The following CDK17 variants were observed in gnomAD, a reference collection of about 807,000 sequenced individuals.
CDK17 encodes cyclin-dependent kinase 17.
In CDK17, 24 loss-of-function variants were observed where a neutral mutation model predicts 77.6. That is an observed-to-expected ratio of 0.31 (90% CI 0.22 to 0.44). The LOEUF (loss-of-function observed/expected upper bound fraction) is 0.44, where lower values mean the gene tolerates loss of function less well. CDK17 is among the 20% of genes least tolerant of loss of function. The pLI is 1.00. For missense variants in CDK17, 429 were observed against 622.5 expected, an observed-to-expected ratio of 0.69 and a Z score of 3.31; for synonymous variants, 203 against 210.4, an observed-to-expected ratio of 0.96 and a Z score of 0.30.
At chr12:96,384,937 A>C (rs1044898525) in intron 1 of CDK17, among the ~76,000 whole-genome samples, 4 of 151,010 alleles carry the variant, frequency 2.6e-5, no homozygotes, top group East Asian at 2.0e-4. Flanking sequence ...TTGAGCCCAG[A>C]AGGTCAAGGC....
intron 5 of CDK17, among the ~76,000 whole-genome samples, chr12:96,308,731 A>AAATAATAATAATAATAATAATAATAAT (rs34304107): frequency 1.5e-4 from 20 of 132,570 alleles, no homozygotes; most frequent in East Asian, 4.4e-4. Context: ...CCGTCTCCAA[A>AAATAATAATAATAATAATAATAATAAT]AATAATAATA....
Position 96,300,452 on chromosome 12 carries a change from A to G in CDK17, c.544-92T>C. The G allele has an allele frequency of 6.8e-6, 5 of 734,852 alleles. No individual in the cohort carries two copies. In the South Asian group the frequency reaches 8.3e-5, roughly 12 times the overall value. 45.5% of individuals were successfully genotyped at this position (734,852 alleles called of 1,614,324 possible). On this transcript the variant is annotated intron_variant, in intron 5 of 16. Transcript: ENST00000261211. ...CACTCTGTTGCCCAGGCTGGAGTGC[A>G]GCGGCACAATCTTGGCTTACTGCAA...
intron 1 of CDK17, among the ~76,000 whole-genome samples, chr12:96,373,756 C>T (rs529249545): frequency 4.7e-4 from 71 of 152,050 alleles, no homozygotes; most frequent in Admixed American, 2.2e-3. Context: ...CCTGTCTCTA[C>T]TAAAAATACA....
At chr12:96,321,812 G>A (rs1251033722) in intron 3 of CDK17, among the ~76,000 whole-genome samples, 1 of 113,806 alleles carries the variant, frequency 8.8e-6, no homozygotes, top group African/African-American at 3.4e-5. Flanking sequence ...ACTGTGGTGG[G>A]GTGGGGGGAG....
intron 1 of CDK17, among the ~76,000 whole-genome samples, chr12:96,365,049 TATTA>T (rs1173528734): frequency 1.3e-5 from 2 of 152,232 alleles, no homozygotes; most frequent in Admixed American, 1.3e-4. Context: ...CTATACATTA[TATTA>T]ATATTTTCTG....
At chr12:96,345,167 T>G (rs140550148) in intron 1 of CDK17, among the ~76,000 whole-genome samples, 1 of 152,348 alleles carries the variant, frequency 6.6e-6, no homozygotes, top group Non-Finnish European at 1.5e-5. Flanking sequence ...CTCATTCCTT[T>G]TTGTGGCTGA....
At chr12:96,342,154 GATTT>G (rs1370166761) in intron 1 of CDK17, among the ~76,000 whole-genome samples, 2 of 152,210 alleles carry the variant, frequency 1.3e-5, no homozygotes, top group East Asian at 3.9e-4. Context: ...GATAAAGACA[GATTT>G]ATTTCTTCAT....
intron 10 of CDK17, among the ~76,000 whole-genome samples, chr12:96,291,171 T>A (rs955984201): frequency 6.6e-6 from 1 of 151,464 alleles, no homozygotes; most frequent in Non-Finnish European, 1.5e-5. Flanking sequence ...GAATATACTA[T>A]CTCATGGAAT....
intron 1 of CDK17, among the ~76,000 whole-genome samples, chr12:96,363,118 C>T (rs190995475): frequency 6.6e-5 from 10 of 152,192 alleles, no homozygotes; most frequent in South Asian, 2.1e-4. Flanking sequence ...CTTCCAGTTA[C>T]GAAAGTAAGA....
intron 1 of CDK17, among the ~76,000 whole-genome samples, chr12:96,378,071 C>T (rs1370162151): frequency 6.6e-6 from 1 of 152,162 alleles, no homozygotes. Context: ...CCTTAAACCA[C>T]ACACTCAGTT....
At position 96,310,990 on chromosome 12, in the gene CDK17, C is replaced by T. The variant is rs897535651; in HGVS notation, c.543+62G>A. The stretch of plus-strand genomic sequence containing the variant: ...TAAAAATTAATTTAAAATGTTTACA[C>T]CCAGAAGCAGCAAACAAGCAGATCT... On this transcript the variant is annotated intron_variant, in intron 5 of 16. Transcript: ENST00000261211. 4 of 1,508,034 alleles carry T rather than the reference C, an allele frequency of 2.7e-6. No individual in the cohort carries two copies. In the African/African-American group the frequency reaches 4.4e-5, roughly 17 times the overall value. The allele number at this position is 1,508,034 out of a possible 1,614,324, so 93.4% of individuals were successfully genotyped here.
rs61939060 is a variant in CDK17, at chr12:96,334,929, G to A, written c.-29-64C>T. 2,959 of 726,304 alleles carry A rather than the reference G, an allele frequency of 4.1e-3. 9 individuals are homozygous for A. Among genetic ancestry groups the A allele is most frequent in the Non-Finnish European group, 6.0e-3 (2,451 of 408,328 alleles). The allele number at this position is 726,304 out of a possible 1,614,324, so 45.0% of individuals were successfully genotyped here. A position where few individuals can be genotyped will look rare whatever the true frequency, so the allele number is the denominator to read the frequency against. ...TATTTTACCACTGAAGAAAAATACC[G>A]CCTGGGTTTACTGGAAATCTTTAAA... On this transcript the variant is annotated intron_variant, in intron 1 of 16. Coordinates refer to ENST00000261211, the MANE Select transcript of CDK17 (RefSeq NM_002595.5).
rs138342309 is a variant in CDK17, at chr12:96,301,958, G to A, written c.544-1598C>T. Among the ~76,000 whole-genome samples, 37 of 152,214 alleles carry A rather than the reference G, an allele frequency of 2.4e-4. No homozygotes were observed. The East Asian group carries it at 6.9e-3, about 29-fold the overall frequency. On this transcript the variant is annotated intron_variant, in intron 5 of 16. Transcript: ENST00000261211. ...CATGTGGAAAACTGCACGTCCAATA[G>A]TACTTAATTCAATTTTAGTAAACTA...
chr12:96,386,711 G>A (rs1953982115), intron 1 of CDK17: 1 of 152,366 alleles, frequency 6.6e-6, no homozygotes, highest in South Asian at 2.1e-4. Flanking sequence ...TGGACATACT[G>A]CATAATGGTA....
At chr12:96,360,554 C>A (rs554134869) in intron 1 of CDK17, among the ~76,000 whole-genome samples, 12 of 152,280 alleles carry the variant, frequency 7.9e-5, no homozygotes, top group South Asian at 6.2e-4. Flanking sequence ...TAAGATCCCT[C>A]CCTTCATCAG....
chr12:96,316,014 C>G (rs112937185), intron 3 of CDK17, among the ~76,000 whole-genome samples: 1 of 151,944 alleles, frequency 6.6e-6, no homozygotes, highest in Non-Finnish European at 1.5e-5. Flanking sequence ...ACGCAGAAGA[C>G]GGGTGATTTC....
chr12:96,322,980 C>T lies in CDK17; in HGVS notation c.283+968G>A, dbSNP rs369109636. Reference sequence around the variant, plus strand: ...CAGAAAAAATCTCACTGTAGATAAGCTCATACTCCCAAAATTAAAGAAACA... The same window carrying T: ...CAGAAAAAATCTCACTGTAGATAAGTTCATACTCCCAAAATTAAAGAAACA... On this transcript the variant is annotated intron_variant, in intron 3 of 16. Coordinates refer to ENST00000261211, the MANE Select transcript of CDK17 (RefSeq NM_002595.5). 1.1e-3 allele frequency among the ~76,000 whole-genome samples: 173 copies of T among 152,248 alleles called. 3 individuals are homozygous for T. Among genetic ancestry groups the T allele is most frequent in the African/African-American group, 4.1e-3 (169 of 41,542 alleles).
Position 96,315,713 on chromosome 12 carries a change from A to G in CDK17, c.284-2259T>C, listed in dbSNP as rs947210718. ...GTATTGGTAATACCTAGGAAGCAAA[A>G]ACAAAGAGAGGACTGAAAACCCAAA... On this transcript the variant is annotated intron_variant, in intron 3 of 16. Coordinates refer to ENST00000261211, the MANE Select transcript of CDK17 (RefSeq NM_002595.5). 2.6e-5 allele frequency among the ~76,000 whole-genome samples: 4 copies of G among 152,176 alleles called. No individual in the cohort carries two copies. In the East Asian group the frequency reaches 5.8e-4, roughly 22 times the overall value.
chr12:96,396,520 T>C (rs560587382), intron 1 of CDK17, among the ~76,000 whole-genome samples: 10 of 152,214 alleles, frequency 6.6e-5, no homozygotes, highest in South Asian at 2.1e-4. Context: ...CATAAACCTA[T>C]TGTTTATCTT....
Sources: allele counts gnomAD v4.1 joint callset (sites outside exome capture counted in the v4.1 genomes callset), GRCh38; gene constraint gnomAD v4.1.1; transcripts MANE v1.5; gene names NCBI Gene and HGNC (gene_info 2026-07-23, HGNC 2026-07-21).